MGAT5: variants seen among roughly 807,000 people sequenced by gnomAD.
MGAT5 encodes the protein alpha-1,6-mannosylglycoprotein 6-beta-N-acetylglucosaminyltransferase A.
Under a neutral mutation model 94.3 loss-of-function variants are expected in MGAT5, and 30 were observed. The observed-to-expected ratio is 0.32, with a 90% CI of 0.24 to 0.43. The LOEUF (loss-of-function observed/expected upper bound fraction) is 0.43, where lower values mean the gene tolerates loss of function less well. Ranked by LOEUF, MGAT5 falls within the 20% of genes least tolerant of loss-of-function variation. MGAT5 has a pLI of 1.00. For synonymous variants in MGAT5, 310 were observed against 322.9 expected (o/e 0.96, Z 0.43); for missense variants, 691 against 905.5 (o/e 0.76, Z 3.04).
At chr2:134,221,125 G>A (rs1471179408) in intron 1 of MGAT5, among the ~76,000 whole-genome samples, 1 of 152,178 alleles carries the variant, frequency 6.6e-6, no homozygotes, top group Non-Finnish European at 1.5e-5. Context: ...GATTTATTCC[G>A]AGCCAAGTAT....
At chr2:134,435,047 C>A (rs1039258268) in intron 14 of MGAT5, among the ~76,000 whole-genome samples, 1 of 152,052 alleles carries the variant, frequency 6.6e-6, no homozygotes, top group East Asian at 1.9e-4. Context: ...AGTCCCGTAT[C>A]TCTCTCCTGT....
intron 12 of MGAT5, 31 bp downstream of exon 12, chr2:134,413,046 A>T: frequency 6.2e-7 from 1 of 1,607,896 alleles, no homozygotes; most frequent in Non-Finnish European, 8.5e-7. Context: ...TTCCATTTTG[A>T]ATAATATGAA....
intron 4 of MGAT5, among the ~76,000 whole-genome samples, chr2:134,325,489 T>C (rs926073272): frequency 2.0e-5 from 3 of 152,088 alleles, no homozygotes; most frequent in African/African-American, 7.2e-5. Context: ...CTCATTTCAT[T>C]TATAACCTCC....
intron 11 of MGAT5, among the ~76,000 whole-genome samples, chr2:134,404,872 T>C (rs937629855): frequency 1.3e-5 from 2 of 152,232 alleles, no homozygotes; most frequent in Non-Finnish European, 2.9e-5. Flanking sequence ...CCTTCTGTCT[T>C]AGGCTGACAT....
intron 11 of MGAT5, among the ~76,000 whole-genome samples, chr2:134,403,551 C>G (rs1390428101): frequency 6.6e-6 from 1 of 152,200 alleles, no homozygotes; most frequent in East Asian, 1.9e-4. Context: ...TTCCTCATAC[C>G]TCCTTGTTCA....
At chr2:134,329,306 G>A (rs768301356) in intron 4 of MGAT5, among the ~76,000 whole-genome samples, 3 of 152,054 alleles carry the variant, frequency 2.0e-5, no homozygotes, top group Non-Finnish European at 2.9e-5. Flanking sequence ...GCAAGGAGAA[G>A]CCATTGCAGC....
intron 14 of MGAT5, among the ~76,000 whole-genome samples, chr2:134,433,529 C>T (rs1054670879): frequency 6.6e-6 from 1 of 152,170 alleles, no homozygotes; most frequent in African/African-American, 2.4e-5. Context: ...GTTTTATAGG[C>T]ACCGTCACTG....
intron 3 of MGAT5, among the ~76,000 whole-genome samples, chr2:134,318,430 G>T (rs1409407080): frequency 6.6e-6 from 1 of 152,148 alleles, no homozygotes; most frequent in Non-Finnish European, 1.5e-5. Context: ...AAGCGCTTCT[G>T]CTGAGGCCTA....
At chr2:134,433,166 G>A (rs570576199) in intron 14 of MGAT5, among the ~76,000 whole-genome samples, 14 of 152,250 alleles carry the variant, frequency 9.2e-5, no homozygotes, top group African/African-American at 3.1e-4. Flanking sequence ...GAGATTTCTG[G>A]CTTTCACTTA....
intron 4 of MGAT5, among the ~76,000 whole-genome samples, chr2:134,333,780 A>G (rs545496924): frequency 6.6e-6 from 1 of 152,256 alleles, no homozygotes; most frequent in South Asian, 2.1e-4. Flanking sequence ...GTTCTTATTT[A>G]GGAAAATGTT....
intron 1 of MGAT5, among the ~76,000 whole-genome samples, chr2:134,131,820 G>A (rs1686189245): frequency 6.6e-6 from 1 of 152,118 alleles, no homozygotes; most frequent in African/African-American, 2.4e-5. Flanking sequence ...TCCTTTTACA[G>A]GACTGGGCTT....
At chr2:134,241,701 T>G (rs1342167237) in intron 1 of MGAT5, among the ~76,000 whole-genome samples, 1 of 152,210 alleles carries the variant, frequency 6.6e-6, no homozygotes, top group Non-Finnish European at 1.5e-5. Flanking sequence ...TATCCTATCT[T>G]TCTCATATAT....
chr2:134,204,425 C>G (rs1341857167), intron 1 of MGAT5, among the ~76,000 whole-genome samples: 1 of 152,144 alleles, frequency 6.6e-6, no homozygotes, highest in Non-Finnish European at 1.5e-5. Flanking sequence ...CAAAAGAAAA[C>G]TTGGTAGTTA....
chr2:134,171,090 A>C (rs1030791016), intron 1 of MGAT5, among the ~76,000 whole-genome samples: 19 of 152,078 alleles, frequency 1.2e-4, no homozygotes, highest in Non-Finnish European at 2.4e-4. Context: ...TAAACTCCTG[A>C]CCTCAGGTGA....
At chr2:134,147,267 C>A (rs1686963069) in intron 1 of MGAT5, among the ~76,000 whole-genome samples, 1 of 152,246 alleles carries the variant, frequency 6.6e-6, no homozygotes, top group Admixed American at 6.5e-5. Context: ...CTAATAGCTG[C>A]TCAGTACATA....
chr2:134,387,752 G>A (rs1682121435), intron 10 of MGAT5, among the ~76,000 whole-genome samples: 1 of 151,856 alleles, frequency 6.6e-6, no homozygotes, highest in African/African-American at 2.4e-5. Context: ...TTGGTGAAGG[G>A]GAACAAAAAA....
intron 9 of MGAT5, among the ~76,000 whole-genome samples, chr2:134,353,670 G>T (rs1045005737): frequency 2.0e-5 from 3 of 152,212 alleles, no homozygotes; most frequent in South Asian, 2.1e-4. Context: ...ACATGCAAAA[G>T]GAATGAATTA....
chr2:134,328,699 G>A (rs892682928), intron 4 of MGAT5, among the ~76,000 whole-genome samples: 15 of 151,936 alleles, frequency 9.9e-5, no homozygotes, highest in Admixed American at 9.8e-4. Context: ...AGACAGATGA[G>A]GTTTCTGTCC....
At chr2:134,307,071 T>C (rs894349742) in intron 2 of MGAT5, among the ~76,000 whole-genome samples, 2 of 152,176 alleles carry the variant, frequency 1.3e-5, no homozygotes, top group Non-Finnish European at 2.9e-5. Context: ...CACAGATTTT[T>C]ATAGCTTTGT....
Sources: gnomAD v4.1 joint callset for allele counts (sites outside exome capture counted in the v4.1 genomes callset) on GRCh38, gnomAD v4.1.1 for gene constraint, MANE v1.5 for transcripts, NCBI Gene and HGNC (gene_info 2026-07-23, HGNC 2026-07-21) for gene names.